Variants in VAV2 observed in about 807,000 individuals in gnomAD.
VAV2 encodes the protein vav guanine nucleotide exchange factor 2.
Under a neutral mutation model 132.5 loss-of-function variants are expected in VAV2, and 67 were observed. That is an observed-to-expected ratio of 0.51 (90% CI 0.42 to 0.62). VAV2 has a LOEUF of 0.62. Ranked by LOEUF, VAV2 falls within the 20% of genes least tolerant of loss-of-function variation. The pLI is 0.00. For missense variants in VAV2, 938 were observed against 1,153.6 expected, an observed-to-expected ratio of 0.81 and a Z score of 2.71; for synonymous variants, 492 against 443.5, an observed-to-expected ratio of 1.11 and a Z score of -1.37.
At chr9:133,805,177 C>T (rs567374360) in intron 9 of VAV2, among the ~76,000 whole-genome samples, 394 of 152,222 alleles carry the variant, frequency 2.6e-3, no homozygotes, top group Non-Finnish European at 4.8e-3. Flanking sequence ...GAGATGGACC[C>T]GGGCGCCCAA....
intron 2 of VAV2, among the ~76,000 whole-genome samples, chr9:133,906,529 G>A (rs1401837894): frequency 6.6e-6 from 1 of 152,206 alleles, no homozygotes; most frequent in East Asian, 1.9e-4. Context: ...AAGGACGTGG[G>A]AGCCACTGGG....
At chr9:133,862,872 G>C (rs1453879084) in intron 2 of VAV2, among the ~76,000 whole-genome samples, 11 of 152,226 alleles carry the variant, frequency 7.2e-5, no homozygotes, top group Non-Finnish European at 1.5e-5. Context: ...AGGGGAAGAG[G>C]AAAGAAAATG....
intron 1 of VAV2, among the ~76,000 whole-genome samples, chr9:133,943,918 C>T (rs540478351): frequency 1.2e-3 from 183 of 152,376 alleles, no homozygotes; most frequent in African/African-American, 4.0e-3. Context: ...CCCAGTCGCC[C>T]ACCTCCCCAG....
rs1838414707 is a variant in VAV2, at chr9:133,879,788, G to A, written c.322-18356C>T. Among the ~76,000 whole-genome samples, 1 of 152,092 alleles carries A rather than the reference G, an allele frequency of 6.6e-6. No homozygotes were observed. The highest frequency in any genetic ancestry group is 2.4e-5 in the African/African-American group (1 of 41,394). On this transcript the variant is annotated intron_variant, in intron 2 of 29. Coordinates refer to ENST00000371850, the MANE Select transcript of VAV2 (RefSeq NM_001134398.2). This position sits in a 1 kb window ranked among gnomAD's most constrained non-coding sequence, Gnocchi z 4.4. Reference sequence around the variant, plus strand: ...CAATGTGAGCCCCTGCAGGAAAAAAGTCTAAAGTGATTTTTCCTCCCCGGT... The same window carrying A: ...CAATGTGAGCCCCTGCAGGAAAAAAATCTAAAGTGATTTTTCCTCCCCGGT...
intron 21 of VAV2, among the ~76,000 whole-genome samples, chr9:133,779,279 G>A (rs1290151227): frequency 6.6e-6 from 1 of 152,214 alleles, no homozygotes. Flanking sequence ...TCACAGAGGT[G>A]CTCTGGGCCT....
rs144269361 is a variant in VAV2, at chr9:133,776,048, G to A, written c.1998C>T (p.Ile666=). The change falls in exon 24 of 30, where the codon ATC becomes ATT. Residue 666 remains isoleucine, a synonymous_variant. Coordinates refer to ENST00000371850, the MANE Select transcript of VAV2 (RefSeq NM_001134398.2). ...CTCACCAGGGGTATGCAGTGTAGTC[G>A]ATCTCCCGGGATGGCGGCCGGCTGA... The part of the protein sequence containing the change: ...PPISRPPSRE[I]DYTAYPWFAG... 2.9e-4 allele frequency: 463 copies of A among 1,613,040 alleles called. 1 individual carries two copies. In the African/African-American group the frequency reaches 3.9e-3, roughly 14 times the overall value.
intron 4 of VAV2, among the ~76,000 whole-genome samples, chr9:133,817,623 T>G (rs984658724): frequency 6.6e-6 from 1 of 151,904 alleles, no homozygotes; most frequent in Admixed American, 6.6e-5. Context: ...AAATAAAAAA[T>G]AAAATAATAA....
intron 2 of VAV2, among the ~76,000 whole-genome samples, chr9:133,868,923 C>T (rs1837915137): frequency 1.3e-5 from 2 of 152,184 alleles, no homozygotes; most frequent in South Asian, 4.1e-4. Flanking sequence ...TGCCTGTAAT[C>T]CCAGCTACAG....
rs1222360741 is a variant in VAV2, at chr9:133,936,709, A to G, written c.321+2394T>C. ...GGACCTCATCCAGTCTCCTCAGCTC[A>G]GCCCGGGGGTCTGCACGGTGACATC... On this transcript the variant is annotated intron_variant, in intron 2 of 29. Transcript: ENST00000371850. 5.3e-5 allele frequency among the ~76,000 whole-genome samples: 8 copies of G among 152,306 alleles called. No homozygotes were observed. In the East Asian group the frequency reaches 1.5e-3, roughly 29 times the overall value.
In VAV2 at chr9:133,768,761, C is replaced by T. The variant is rs959836135; in HGVS notation, c.2435-165G>A. ...AAAGGCTCTGGAGGGACACACTGGCCTCCAATCCCAGGGCCCCTTGCCCTC... is the reference window on the plus strand; with the variant it reads ...AAAGGCTCTGGAGGGACACACTGGCTTCCAATCCCAGGGCCCCTTGCCCTC... On this transcript the variant is annotated intron_variant, in intron 28 of 29. Transcript: ENST00000371850. The surrounding 1 kb of genome is among the most constrained non-coding windows in gnomAD (Gnocchi z 5.3). Among the ~76,000 whole-genome samples the T allele has an allele frequency of 2.0e-5, 3 of 152,044 alleles. No homozygotes were observed. The highest frequency in any genetic ancestry group is 4.8e-5 in the African/African-American group (2 of 41,390).
In VAV2 at chr9:133,788,579, G is replaced by A. The variant is rs371456270; in HGVS notation, c.1275-93C>T. On this transcript the variant is annotated intron_variant, in intron 14 of 29. Coordinates refer to ENST00000371850, the MANE Select transcript of VAV2 (RefSeq NM_001134398.2). The surrounding 1 kb of genome is among the most constrained non-coding windows in gnomAD (Gnocchi z 5.3). ...GGAGCTGAGCCTGAGGCTCTGGCACGCGGCTCCCTCTCCGGGCGAGCCCTG... is the reference window on the plus strand; with the variant it reads ...GGAGCTGAGCCTGAGGCTCTGGCACACGGCTCCCTCTCCGGGCGAGCCCTG... 2.4e-5 allele frequency: 36 copies of A among 1,528,356 alleles called. No homozygotes were observed. The African/African-American group carries it at 4.5e-4, about 19-fold the overall frequency. 94.7% of individuals were successfully genotyped at this position (1,528,356 alleles called of 1,614,324 possible). A position where few individuals can be genotyped will look rare whatever the true frequency, so the allele number is the denominator to read the frequency against.
intron 1 of VAV2, among the ~76,000 whole-genome samples, chr9:133,977,559 A>T (rs534856612): frequency 1.4e-4 from 22 of 152,254 alleles, no homozygotes; most frequent in African/African-American, 5.3e-4. Context: ...CCCTCCACGC[A>T]TGACAGCTGT....
chr9:133,953,440 G>T (rs1192172418), intron 1 of VAV2, among the ~76,000 whole-genome samples: 4 of 152,364 alleles, frequency 2.6e-5, no homozygotes, highest in African/African-American at 9.6e-5. Context: ...GTTCATGCCA[G>T]CATGGGTTTT....
intron 17 of VAV2, among the ~76,000 whole-genome samples, 191 bp downstream of exon 17, chr9:133,785,585 T>C (rs1337774120): frequency 6.6e-6 from 1 of 152,126 alleles, no homozygotes; most frequent in Admixed American, 6.5e-5. Flanking sequence ...TCTGGACTGA[T>C]TGTTAAAGAG....
chr9:133,841,410 G>A lies in VAV2; in HGVS notation c.381-7070C>T, dbSNP rs572189084. 2.6e-5 allele frequency among the ~76,000 whole-genome samples: 4 copies of A among 152,026 alleles called. No homozygotes were observed. The South Asian group carries it at 8.3e-4, about 32-fold the overall frequency. ...GGACTCCAGGGCTCCATCATGCAGA[G>A]CTCGTGGCCACTCCTGCAGCCCTGG... On this transcript the variant is annotated intron_variant, in intron 3 of 29. Transcript: ENST00000371850.
intron 2 of VAV2, among the ~76,000 whole-genome samples, chr9:133,894,543 T>G (rs2519779): frequency 0.73 from 111,291 of 152,102 alleles, 43,036 homozygotes; most frequent in Middle Eastern, 0.9. Flanking sequence ...AGGCGGCTGT[T>G]GGGAAATTTT....
At chr9:133,776,001 C>T in intron 24 of VAV2, 27 bp downstream of exon 24, 2 of 1,591,080 alleles carry the variant, frequency 1.3e-6, no homozygotes, top group Non-Finnish European at 1.7e-6. Context: ...ACCAGATGCC[C>T]ATGTCTGCAG....
chr9:133,783,563 T>C lies in VAV2; in HGVS notation c.1663A>G (p.Thr555Ala). The C allele has an allele frequency of 6.2e-7, 1 of 1,613,982 alleles. No homozygotes were observed. Among genetic ancestry groups the C allele is most frequent in the Admixed American group, 1.7e-5 (1 of 60,020 alleles). The change falls in exon 19 of 30, where the codon ACC becomes GCC. Residue 555 changes from threonine to alanine, a missense_variant. Physicochemically the swap from Thr to Ala is moderately conservative, Grantham distance 58. Transcript: ENST00000371850. The stretch of plus-strand genomic sequence containing the variant: ...TTGTGTGCCCCGACGCCACACTTGG[T>C]ACACATGTATCCCTGGTAGAAGGTG... The part of the protein sequence containing the change: ...RGTFYQGYMC[T>A]KCGVGAHKEC...
intron 3 of VAV2, among the ~76,000 whole-genome samples, chr9:133,851,535 T>C (rs942880663): frequency 6.6e-6 from 1 of 152,262 alleles, no homozygotes; most frequent in Admixed American, 6.5e-5. Context: ...CTGTGCCTAC[T>C]ATGTGCCTGG....
Sources: gnomAD v4.1 joint callset for allele counts (sites outside exome capture counted in the v4.1 genomes callset) on GRCh38, gnomAD v4.1.1 for gene constraint, Gnocchi (gnomAD v3.1) non-coding constraint, MANE v1.5 for transcripts, NCBI Gene and HGNC (gene_info 2026-07-23, HGNC 2026-07-21) for gene names.